The following ST3GAL1 variants were observed in gnomAD, a reference collection of about 807,000 sequenced individuals.
ST3GAL1 encodes the protein CMP-N-acetylneuraminate-beta-galactosamide-alpha-2,3-sialyltransferase 1.
In ST3GAL1, 16 loss-of-function variants were observed where a neutral mutation model predicts 34.1. That is an observed-to-expected ratio of 0.47 (90% CI 0.32 to 0.71). ST3GAL1 has a LOEUF of 0.71. Among genes scored for constraint, ST3GAL1 ranks in the 30% least tolerant of loss-of-function variants. The pLI, the probability that ST3GAL1 is intolerant of heterozygous loss-of-function variation, is 0.04. For missense variants in ST3GAL1, 353 were observed against 447.4 expected (o/e 0.79, Z 1.90); for synonymous variants, 191 against 184.7 (o/e 1.03, Z -0.28).
chr8:133,534,348 T>C (rs1265004126), intron 2 of ST3GAL1, among the ~76,000 whole-genome samples: 1 of 150,960 alleles, frequency 6.6e-6, no homozygotes, highest in Non-Finnish European at 1.5e-5. Context: ...TATATAATAT[T>C]ATATGTTATA....
intron 2 of ST3GAL1, among the ~76,000 whole-genome samples, chr8:133,520,596 C>T (rs1241327976): frequency 3.3e-5 from 5 of 152,112 alleles, no homozygotes; most frequent in Admixed American, 1.3e-4. Context: ...TCTGGCAGCC[C>T]ACCCCACCAT....
At chr8:133,481,454 C>T (rs1471207867) in intron 3 of ST3GAL1, among the ~76,000 whole-genome samples, 11 of 152,066 alleles carry the variant, frequency 7.2e-5, no homozygotes, top group Non-Finnish European at 1.5e-4. Flanking sequence ...TTTAGCCTTT[C>T]TTTTTTGTTT....
At chr8:133,549,076 G>A (rs904326687) in intron 1 of ST3GAL1, among the ~76,000 whole-genome samples, 2 of 152,208 alleles carry the variant, frequency 1.3e-5, no homozygotes, top group Non-Finnish European at 1.5e-5. Context: ...CCTATATCAG[G>A]ATATATACTG....
intron 1 of ST3GAL1, among the ~76,000 whole-genome samples, chr8:133,548,127 A>G (rs1037232900): frequency 6.6e-6 from 1 of 152,208 alleles, no homozygotes; most frequent in African/African-American, 2.4e-5. Context: ...GGTCCAGGAA[A>G]GCTATAGGAA....
chr8:133,476,278 C>T lies in ST3GAL1; in HGVS notation c.-51G>A, dbSNP rs537866386. On this transcript the variant is annotated splice_region_variant and 5_prime_UTR_variant, in exon 4 of 10. Transcript: ENST00000522652. Reference sequence around the variant, plus strand: ...GTTGGCTTTGCTTGCATATATTTACCTTTTCAGAAAATAAAGTAGCCTATT... The same window carrying T: ...GTTGGCTTTGCTTGCATATATTTACTTTTTCAGAAAATAAAGTAGCCTATT... The T allele has an allele frequency of 7.2e-6, 3 of 415,658 alleles. No homozygotes were observed. Among genetic ancestry groups the T allele is most frequent in the Non-Finnish European group, 1.3e-5 (3 of 233,978 alleles). The allele number at this position is 415,658 out of a possible 1,614,324, so 25.7% of individuals were successfully genotyped here.
rs1318501172 is a variant in ST3GAL1, at chr8:133,469,201, AAATT to A, written c.307-3115_307-3112del. 6.6e-6 allele frequency among the ~76,000 whole-genome samples: 1 copy of A among 152,166 alleles called. No homozygotes were observed. The highest frequency in any genetic ancestry group is 1.5e-5 in the Non-Finnish European group (1 of 68,022). On this transcript the variant is annotated intron_variant, in intron 5 of 9. Coordinates refer to ENST00000522652, the MANE Select transcript of ST3GAL1 (RefSeq NM_173344.3). The surrounding 1 kb of genome is among the most constrained non-coding windows in gnomAD (Gnocchi z 4.3). ...CTTTAATGACTTATTTAAGAAAAAT[AAATT>A]GATTGATTGATTGATTGATTTGATT... is the stretch of plus-strand genomic sequence containing the variant.
intron 2 of ST3GAL1, among the ~76,000 whole-genome samples, chr8:133,534,778 A>G (rs1268114283): frequency 6.6e-6 from 1 of 152,188 alleles, no homozygotes; most frequent in Non-Finnish European, 1.5e-5. Context: ...CTATCAAACC[A>G]GCAGCTGGGC....
At position 133,570,905 on chromosome 8, in the gene ST3GAL1, G is replaced by T. The variant is rs1212291988; in HGVS notation, c.-582+788C>A. 6.6e-6 allele frequency among the ~76,000 whole-genome samples: 1 copy of T among 152,188 alleles called. No individual in the cohort carries two copies. The highest frequency in any genetic ancestry group is 1.5e-5 in the Non-Finnish European group (1 of 68,030). ...TAACTTTTGTCAGATTATTTCTTGG[G>T]AGCTGCGACGCCTCACGGGGTTGGG... On this transcript the variant is annotated intron_variant, in intron 1 of 9. Coordinates refer to ENST00000522652, the MANE Select transcript of ST3GAL1 (RefSeq NM_173344.3). The surrounding 1 kb of genome is among the most constrained non-coding windows in gnomAD (Gnocchi z 5.6).
intron 2 of ST3GAL1, among the ~76,000 whole-genome samples, chr8:133,543,739 C>T (rs1437067318): frequency 2.0e-5 from 3 of 152,026 alleles, no homozygotes; most frequent in Admixed American, 6.6e-5. Context: ...ATCAGTAGAA[C>T]ATGCACCTGG....
At chr8:133,519,291 C>A (rs991574136) in intron 2 of ST3GAL1, among the ~76,000 whole-genome samples, 17 of 152,146 alleles carry the variant, frequency 1.1e-4, no homozygotes, top group Non-Finnish European at 2.9e-5. Context: ...ATGCCTCATG[C>A]CCTGTGAGTG....
chr8:133,540,252 C>T (rs1818426621), intron 2 of ST3GAL1, among the ~76,000 whole-genome samples: 1 of 152,148 alleles, frequency 6.6e-6, no homozygotes, highest in Non-Finnish European at 1.5e-5. Flanking sequence ...CACTGCTGCT[C>T]TTAAAGGTTA....
Position 133,570,197 on chromosome 8 carries a change from G to A in ST3GAL1, c.-582+1496C>T, listed in dbSNP as rs1382297566. On this transcript the variant is annotated intron_variant, in intron 1 of 9. Coordinates refer to ENST00000522652, the MANE Select transcript of ST3GAL1 (RefSeq NM_173344.3). This position sits in a 1 kb window ranked among gnomAD's most constrained non-coding sequence, Gnocchi z 5.6. ...ACACCCAGCCGCAGAGCGGGGGTGG[G>A]CGCTCGCTGTCTCCCTGGAGAACCA... The A allele has an allele frequency of 1.3e-5, 2 of 152,300 alleles. No homozygotes were observed. The highest frequency in any genetic ancestry group is 2.9e-5 in the Non-Finnish European group (2 of 68,092). 9.4% of individuals were successfully genotyped at this position (152,300 alleles called of 1,614,324 possible). A position where few individuals can be genotyped will look rare whatever the true frequency, so the allele number is the denominator to read the frequency against.
chr8:133,551,837 T>C (rs1818873816), intron 1 of ST3GAL1, among the ~76,000 whole-genome samples: 1 of 152,264 alleles, frequency 6.6e-6, no homozygotes, highest in Non-Finnish European at 1.5e-5. Flanking sequence ...AAGCCCTTTA[T>C]ACTCAAAAGC....
intron 1 of ST3GAL1, among the ~76,000 whole-genome samples, chr8:133,551,003 A>G (rs1038808825): frequency 6.6e-6 from 1 of 152,206 alleles, no homozygotes; most frequent in African/African-American, 2.4e-5. Context: ...TTTCCTCTCC[A>G]TGCAAACAAT....
rs986342284 is a variant in ST3GAL1 at position 133,456,896 on chromosome 8, A to G, written c.*2868T>C. On this transcript the variant is annotated 3_prime_UTR_variant, in exon 10 of 10. Coordinates refer to ENST00000522652, the MANE Select transcript of ST3GAL1 (RefSeq NM_173344.3). ...ACAATTTCAACATAGCGCCGGTAAC[A>G]CCCTAGTTTTGCTCAAACTCTGACT... 1 of 152,116 alleles carries G rather than the reference A, an allele frequency of 6.6e-6. No homozygotes were observed. The highest frequency in any genetic ancestry group is 1.5e-5 in the Non-Finnish European group (1 of 68,042). The allele number at this position is 152,116 out of a possible 1,614,324, so 9.4% of individuals were successfully genotyped here.
chr8:133,520,763 T>A (rs1471961342), intron 2 of ST3GAL1, among the ~76,000 whole-genome samples: 14 of 140,560 alleles, frequency 1.0e-4, no homozygotes, highest in Non-Finnish European at 2.0e-4. Flanking sequence ...TATCATGTTA[T>A]TTTTTGTGGG....
chr8:133,553,150 G>A (rs1035451564), intron 1 of ST3GAL1, among the ~76,000 whole-genome samples: 2 of 152,082 alleles, frequency 1.3e-5, no homozygotes, highest in African/African-American at 4.8e-5. Context: ...CCCACTGTTT[G>A]CATAAAAAGC....
chr8:133,465,775 G>A (rs1363291666), intron 6 of ST3GAL1, 119 bp downstream of exon 6: 2 of 1,120,744 alleles, frequency 1.8e-6, no homozygotes, highest in Admixed American at 4.7e-5. Flanking sequence ...GGGGTCCCTG[G>A]GTAAGTTCAG....
intron 3 of ST3GAL1, among the ~76,000 whole-genome samples, chr8:133,497,616 G>T (rs184642698): frequency 6.6e-6 from 1 of 151,930 alleles, no homozygotes; most frequent in African/African-American, 2.4e-5. Flanking sequence ...GGGATTACAG[G>T]AGCCCGCCAC....
Sources: allele counts gnomAD v4.1 joint callset (sites outside exome capture counted in the v4.1 genomes callset), GRCh38; gene constraint gnomAD v4.1.1; non-coding constraint Gnocchi (gnomAD v3.1); transcripts MANE v1.5; gene names NCBI Gene and HGNC (gene_info 2026-07-23, HGNC 2026-07-21).